Variants in CYTH1 observed in about 807,000 individuals in gnomAD.
CYTH1 encodes the protein cytohesin-1.
Under a neutral mutation model 61.8 loss-of-function variants are expected in CYTH1, and 18 were observed. The observed-to-expected ratio is 0.29, with a 90% CI of 0.20 to 0.43. The LOEUF (loss-of-function observed/expected upper bound fraction) is 0.43. Ranked by LOEUF, CYTH1 falls within the 20% of genes least tolerant of loss-of-function variation. The pLI is 1.00. For synonymous variants in CYTH1, 174 were observed against 184.3 expected, an observed-to-expected ratio of 0.94 and a Z score of 0.45; for missense variants, 336 against 510.5, an observed-to-expected ratio of 0.66 and a Z score of 3.29.
At chr17:78,722,342 A>T (rs2093235913) in intron 1 of CYTH1, among the ~76,000 whole-genome samples, 1 of 152,180 alleles carries the variant, frequency 6.6e-6, no homozygotes, top group Admixed American at 6.5e-5. Context: ...TTTCGAAAGG[A>T]TCCCAGGGAC....
chr17:78,762,156 T>A (rs1359505140), intron 1 of CYTH1, among the ~76,000 whole-genome samples: 1 of 152,192 alleles, frequency 6.6e-6, no homozygotes, highest in Admixed American at 6.6e-5. Flanking sequence ...CAGGAAAAAT[T>A]ATCTTTACTC....
chr17:78,689,575 G>A (rs751278908), intron 11 of CYTH1, among the ~76,000 whole-genome samples: 1 of 152,156 alleles, frequency 6.6e-6, no homozygotes, highest in Non-Finnish European at 1.5e-5. Flanking sequence ...CCGCTCGCCT[G>A]CCACTCACCT....
rs566477418 is a variant in CYTH1 at position 78,675,645 on chromosome 17, T to A, written c.*446A>T. 439 of 322,502 alleles carry A rather than the reference T, an allele frequency of 1.4e-3. No homozygotes were observed. The highest frequency in any genetic ancestry group is 1.8e-3 in the Non-Finnish European group (331 of 179,968). The allele number at this position is 322,502 out of a possible 1,614,324, so 20.0% of individuals were successfully genotyped here. A position where few individuals can be genotyped will look rare whatever the true frequency, so the allele number is the denominator to read the frequency against. ...ACGTTCTCTCTTAAAAAAAAAAAAA[T>A]AGATCTTTATAGTATGTGGCTTCTC... On this transcript the variant is annotated 3_prime_UTR_variant, in exon 14 of 14. Transcript: ENST00000446868.
At chr17:78,781,074 T>C (rs2093515285) in intron 1 of CYTH1, among the ~76,000 whole-genome samples, 1 of 150,666 alleles carries the variant, frequency 6.6e-6, no homozygotes, top group African/African-American at 2.4e-5. Flanking sequence ...CCGGGCATGG[T>C]GGCGTGCGTA....
chr17:78,687,519 T>A (rs548382660), intron 11 of CYTH1, among the ~76,000 whole-genome samples: 1 of 152,344 alleles, frequency 6.6e-6, no homozygotes, highest in African/African-American at 2.4e-5. Context: ...TATTCTCAAA[T>A]GGGTCACAGA....
intron 1 of CYTH1, among the ~76,000 whole-genome samples, chr17:78,729,987 T>G (rs536415603): frequency 6.6e-6 from 1 of 152,318 alleles, no homozygotes; most frequent in East Asian, 1.9e-4. Context: ...GAAGTTTTTA[T>G]TCAAAGAAAA....
intron 1 of CYTH1, among the ~76,000 whole-genome samples, chr17:78,741,541 A>C (rs1020463896): frequency 2.0e-5 from 3 of 152,182 alleles, no homozygotes; most frequent in Non-Finnish European, 2.9e-5. Flanking sequence ...CACCTATAAA[A>C]GTGAGGGCAG....
intron 1 of CYTH1, among the ~76,000 whole-genome samples, chr17:78,738,958 C>A (rs2093331751): frequency 6.6e-6 from 1 of 152,230 alleles, no homozygotes; most frequent in African/African-American, 2.4e-5. Flanking sequence ...GTGCTTGCCA[C>A]GTCCCTGATG....
chr17:78,760,344 A>G (rs1271705791), intron 1 of CYTH1, among the ~76,000 whole-genome samples: 1 of 122,922 alleles, frequency 8.1e-6, no homozygotes, highest in Admixed American at 8.4e-5. Context: ...GCCTCTATCC[A>G]AATAGCAGGT....
intron 1 of CYTH1, among the ~76,000 whole-genome samples, chr17:78,738,606 T>G (rs541443307): frequency 6.6e-6 from 1 of 150,970 alleles, no homozygotes; most frequent in Non-Finnish European, 1.5e-5. Context: ...AACAGTTGAA[T>G]AAATACATAT....
chr17:78,676,857 T>C, intron 13 of CYTH1: 1 of 391,436 alleles, frequency 2.6e-6, no homozygotes, highest in Non-Finnish European at 5.1e-6. Flanking sequence ...CAACCCTATG[T>C]CTGCCATTCT....
rs571092754 is a variant in CYTH1 at position 78,689,433 on chromosome 17, C to A, written c.891+2984G>T. On this transcript the variant is annotated intron_variant, in intron 11 of 13. Transcript: ENST00000446868. Reference sequence around the variant, plus strand: ...AGGAGTGCACAACCTAGATCTCTGGCCCATACAATTTACAATAGGGTTCGT... The same window carrying A: ...AGGAGTGCACAACCTAGATCTCTGGACCATACAATTTACAATAGGGTTCGT... Among the ~76,000 whole-genome samples, 3 of 152,284 alleles carry A rather than the reference C, an allele frequency of 2.0e-5. No individual in the cohort carries two copies. The East Asian group carries it at 5.8e-4, about 29-fold the overall frequency.
At chr17:78,724,313 G>A (rs1476111531) in intron 1 of CYTH1, among the ~76,000 whole-genome samples, 1 of 152,110 alleles carries the variant, frequency 6.6e-6, no homozygotes, top group African/African-American at 2.4e-5. Flanking sequence ...CAGAATACAG[G>A]GTTACTGCAG....
chr17:78,687,261 C>T (rs1305609521), intron 11 of CYTH1, among the ~76,000 whole-genome samples: 1 of 151,648 alleles, frequency 6.6e-6, no homozygotes, highest in African/African-American at 2.4e-5. Flanking sequence ...TTGCTTGTGT[C>T]CAGTCTACTC....
chr17:78,718,574 C>T (rs1248361140), intron 1 of CYTH1, among the ~76,000 whole-genome samples: 1 of 152,174 alleles, frequency 6.6e-6, no homozygotes, highest in Non-Finnish European at 1.5e-5. Flanking sequence ...AGACCTTAAA[C>T]AAACCAGCGT....
intron 10 of CYTH1, among the ~76,000 whole-genome samples, chr17:78,693,629 AG>A (rs1267046166): frequency 9.9e-5 from 15 of 150,780 alleles, no homozygotes; most frequent in African/African-American, 3.7e-4. Flanking sequence ...TCAAAAAAAA[AG>A]AAAAAAAAAA....
rs765438021 is a variant in CYTH1, at chr17:78,675,964, T to C, written c.*127A>G. On this transcript the variant is annotated 3_prime_UTR_variant, in exon 14 of 14. Coordinates refer to ENST00000446868, the MANE Select transcript of CYTH1 (RefSeq NM_004762.6). ...TAAAAAAAATAGCAAAAGCTGAAGCTAGTCTCTAGGAATCCAGGGCGGGGC... is the reference window on the plus strand; with the variant it reads ...TAAAAAAAATAGCAAAAGCTGAAGCCAGTCTCTAGGAATCCAGGGCGGGGC... 3.9e-6 allele frequency: 6 copies of C among 1,549,230 alleles called. No homozygotes were observed. The South Asian group carries it at 7.2e-5, about 19-fold the overall frequency.
At chr17:78,725,369 C>T (rs1169765729) in intron 1 of CYTH1, among the ~76,000 whole-genome samples, 9 of 152,288 alleles carry the variant, frequency 5.9e-5, no homozygotes, top group African/African-American at 1.7e-4. Flanking sequence ...GGACTATCCA[C>T]GCTGGTTATC....
chr17:78,757,439 T>TA (rs1263366691), intron 1 of CYTH1, among the ~76,000 whole-genome samples: 1 of 152,144 alleles, frequency 6.6e-6, no homozygotes, highest in Non-Finnish European at 1.5e-5. Flanking sequence ...GCAAGGCCCA[T>TA]AGAGTGTCCA....
Sources: allele counts gnomAD v4.1 joint callset (sites outside exome capture counted in the v4.1 genomes callset), GRCh38; gene constraint gnomAD v4.1.1; transcripts MANE v1.5; gene names NCBI Gene and HGNC (gene_info 2026-07-23, HGNC 2026-07-21).